RGS7BP: variants seen among roughly 807,000 people sequenced by gnomAD.
RGS7BP encodes regulator of G protein signaling 7 binding protein.
Under a neutral mutation model 31.3 loss-of-function variants are expected in RGS7BP, and 9 were observed. That is an observed-to-expected ratio of 0.29 (90% CI 0.17 to 0.50). The LOEUF is 0.50. Ranked by LOEUF, RGS7BP falls within the 20% of genes least tolerant of loss-of-function variation. The probability of loss-of-function intolerance (pLI) is 0.98; values close to 1 mark genes in which losing one functional copy is unlikely to be tolerated. For missense variants in RGS7BP, 274 were observed against 322.0 expected (o/e 0.85, Z 1.14); for synonymous variants, 115 against 120.1 (o/e 0.96, Z 0.28).
chr5:64,532,298 CTT>C (rs76214343), intron 2 of RGS7BP, among the ~76,000 whole-genome samples: 6 of 145,896 alleles, frequency 4.1e-5, no homozygotes, highest in Non-Finnish European at 6.0e-5. Flanking sequence ...TTGTAATATC[CTT>C]TTTTTTTTTT....
intron 2 of RGS7BP, among the ~76,000 whole-genome samples, chr5:64,569,727 G>T (rs184300483): frequency 1.3e-5 from 2 of 152,266 alleles, no homozygotes; most frequent in African/African-American, 2.4e-5. Flanking sequence ...CTGAATTAGG[G>T]TGTATCCTTG....
chr5:64,531,256 A>C (rs1298700519), intron 2 of RGS7BP, among the ~76,000 whole-genome samples: 1 of 152,250 alleles, frequency 6.6e-6, no homozygotes, highest in Non-Finnish European at 1.5e-5. Flanking sequence ...TTTCAAAACT[A>C]TACGTCCTTC....
chr5:64,506,728 G>T lies in RGS7BP; in HGVS notation c.104G>T (p.Arg35Leu). 7 of 1,607,986 alleles carry T rather than the reference G, an allele frequency of 4.4e-6. No homozygotes were observed. Among genetic ancestry groups the T allele is most frequent in the Non-Finnish European group, 6.0e-6 (7 of 1,175,098 alleles). The change falls in exon 1 of 6, where the codon CGC becomes CTC. Residue 35 changes from arginine to leucine, a missense_variant. Transcript: ENST00000334025. The surrounding 1 kb of genome is among the most constrained non-coding windows in gnomAD (Gnocchi z 4.6). ...CCGCTGCAGAGCGGAGATTGGGAGCGCAGGGGCAGCGGCTCCGAGAGCGCC... is the reference window on the plus strand; with the variant it reads ...CCGCTGCAGAGCGGAGATTGGGAGCTCAGGGGCAGCGGCTCCGAGAGCGCC... ...KPPLQSGDWERRGSGSESAHK... is the reference protein window; with the variant it reads ...KPPLQSGDWELRGSGSESAHK...
At chr5:64,563,474 G>A (rs1206926932) in intron 2 of RGS7BP, among the ~76,000 whole-genome samples, 1 of 152,080 alleles carries the variant, frequency 6.6e-6, no homozygotes, top group Admixed American at 6.6e-5. Context: ...TTATCAAAAA[G>A]GGAAATGTGG....
intron 2 of RGS7BP, among the ~76,000 whole-genome samples, chr5:64,526,884 A>G (rs777572030): frequency 6.6e-6 from 1 of 152,128 alleles, no homozygotes; most frequent in African/African-American, 2.4e-5. Context: ...AGCCTGAGAT[A>G]CTCAAGCTGC....
chr5:64,587,884 C>T (rs1742800252), intron 3 of RGS7BP, among the ~76,000 whole-genome samples: 1 of 152,076 alleles, frequency 6.6e-6, no homozygotes, highest in African/African-American at 2.4e-5. Flanking sequence ...TTTTGACACA[C>T]CCCCTTCTCC....
chr5:64,549,422 G>A (rs1390314365), intron 2 of RGS7BP, among the ~76,000 whole-genome samples: 1 of 152,230 alleles, frequency 6.6e-6, no homozygotes, highest in Non-Finnish European at 1.5e-5. Flanking sequence ...TATGGCTCCA[G>A]GTGGGGGTCC....
chr5:64,561,971 T>C (rs1265374966), intron 2 of RGS7BP, among the ~76,000 whole-genome samples: 1 of 152,148 alleles, frequency 6.6e-6, no homozygotes, highest in Non-Finnish European at 1.5e-5. Context: ...AAAAATTATA[T>C]GTAGGTCTCC....
chr5:64,580,988 A>G (rs1035759723), intron 3 of RGS7BP, among the ~76,000 whole-genome samples: 1 of 152,122 alleles, frequency 6.6e-6, no homozygotes, highest in Non-Finnish European at 1.5e-5. Context: ...CTGAGGCAGG[A>G]GGATCACTTG....
intron 2 of RGS7BP, among the ~76,000 whole-genome samples, chr5:64,510,539 C>T (rs970039775): frequency 2.0e-5 from 3 of 151,990 alleles, no homozygotes; most frequent in South Asian, 2.1e-4. Flanking sequence ...GGACTGGAGG[C>T]GAGAGCAGGT....
At chr5:64,528,992 C>T (rs1646675726) in intron 2 of RGS7BP, among the ~76,000 whole-genome samples, 1 of 151,946 alleles carries the variant, frequency 6.6e-6, no homozygotes, top group South Asian at 2.1e-4. Context: ...TCCAATATTC[C>T]TTAACCAAAA....
chr5:64,570,822 G>A (rs1742285283), intron 2 of RGS7BP, among the ~76,000 whole-genome samples: 1 of 152,044 alleles, frequency 6.6e-6, no homozygotes, highest in African/African-American at 2.4e-5. Flanking sequence ...ATATCTACCT[G>A]TCTATCCCTC....
At chr5:64,556,453 AC>A (rs1741929742) in intron 2 of RGS7BP, among the ~76,000 whole-genome samples, 3 of 150,486 alleles carry the variant, frequency 2.0e-5, no homozygotes, top group Admixed American at 6.6e-5. Flanking sequence ...ACACACACAC[AC>A]ACACACAAAA....
At position 64,609,838 on chromosome 5, in the gene RGS7BP, G is replaced by T. The variant is rs1395048556; in HGVS notation, c.*586G>T. ...AGAATCTAAGAGCTTCAACATAAAAGTATCTTAATTTATAAAGCAACAAAA... is the reference window on the plus strand; with the variant it reads ...AGAATCTAAGAGCTTCAACATAAAATTATCTTAATTTATAAAGCAACAAAA... On this transcript the variant is annotated 3_prime_UTR_variant, in exon 6 of 6. Transcript: ENST00000334025. 1 of 152,500 alleles carries T rather than the reference G, an allele frequency of 6.6e-6. No homozygotes were observed. The highest frequency in any genetic ancestry group is 6.6e-5 in the Admixed American group (1 of 15,240). The allele number at this position is 152,500 out of a possible 1,614,324, so 9.4% of individuals were successfully genotyped here.
chr5:64,544,167 G>A lies in RGS7BP; in HGVS notation c.333-31607G>A, dbSNP rs111265040. 4.5e-4 allele frequency among the ~76,000 whole-genome samples: 69 copies of A among 152,262 alleles called. 1 individual carries two copies. Among genetic ancestry groups the A allele is most frequent in the African/African-American group, 1.6e-3 (65 of 41,550 alleles). On this transcript the variant is annotated intron_variant, in intron 2 of 5. Transcript: ENST00000334025. ...TGTGTCAGGCATTGTATTAAGCACCGGGGCACAAAAGTGAGCAAGACACAG... is the reference window on the plus strand; with the variant it reads ...TGTGTCAGGCATTGTATTAAGCACCAGGGCACAAAAGTGAGCAAGACACAG...
chr5:64,563,690 T>C (rs541391399), intron 2 of RGS7BP, among the ~76,000 whole-genome samples: 48 of 152,228 alleles, frequency 3.2e-4, no homozygotes, highest in Admixed American at 2.9e-3. Flanking sequence ...TGTGAGACAG[T>C]ATATTTCTGA....
In RGS7BP at chr5:64,610,224, C is replaced by T. The variant is rs1743468443; in HGVS notation, c.*972C>T. 6.6e-6 allele frequency: 1 copy of T among 152,350 alleles called. No individual in the cohort carries two copies. The highest frequency in any genetic ancestry group is 2.4e-5 in the African/African-American group (1 of 41,396). 9.4% of individuals were successfully genotyped at this position (152,350 alleles called of 1,614,324 possible). A position where few individuals can be genotyped will look rare whatever the true frequency, so the allele number is the denominator to read the frequency against. The stretch of plus-strand genomic sequence containing the variant: ...GCTTGTCTCATTTTAGATGACTATG[C>T]AGATAAGATTTTTCCAACGTGTACT... On this transcript the variant is annotated 3_prime_UTR_variant, in exon 6 of 6. Coordinates refer to ENST00000334025, the MANE Select transcript of RGS7BP (RefSeq NM_001029875.3).
chr5:64,556,387 TAA>T lies in RGS7BP; in HGVS notation c.333-19373_333-19372del, dbSNP rs11306593. ...AAAATGTTTATGATATCGTGATAAG[TAA>T]AAAAAAAAAAAAAGCAATCTTCCCC... On this transcript the variant is annotated intron_variant, in intron 2 of 5. Coordinates refer to ENST00000334025, the MANE Select transcript of RGS7BP (RefSeq NM_001029875.3). 7.1e-4 allele frequency among the ~76,000 whole-genome samples: 58 copies of T among 81,302 alleles called. 2 individuals carry two copies. The highest frequency in any genetic ancestry group is 9.0e-4 in the African/African-American group (17 of 18,952). 53.3% of individuals were successfully genotyped at this position (81,302 alleles called of 152,430 possible).
intron 2 of RGS7BP, among the ~76,000 whole-genome samples, chr5:64,522,400 G>T (rs974673400): frequency 6.6e-6 from 1 of 152,166 alleles, no homozygotes; most frequent in Non-Finnish European, 1.5e-5. Context: ...ACCAGAACAT[G>T]ATTCAGCCCT....
Sources: gnomAD v4.1 joint callset for allele counts (sites outside exome capture counted in the v4.1 genomes callset) on GRCh38, gnomAD v4.1.1 for gene constraint, Gnocchi (gnomAD v3.1) non-coding constraint, MANE v1.5 for transcripts, NCBI Gene and HGNC (gene_info 2026-07-23, HGNC 2026-07-21) for gene names.